BCL2L14: variants seen among roughly 807,000 people sequenced by gnomAD.
The protein encoded by BCL2L14 is apoptosis facilitator Bcl-2-like protein 14.
In BCL2L14, 27 loss-of-function variants were observed where a neutral mutation model predicts 35.3. That is an observed-to-expected ratio of 0.76 (90% CI 0.56 to 1.05). The LOEUF is 1.05. BCL2L14 is among the 50% of genes least tolerant of loss of function. BCL2L14 has a pLI of 0.00. For missense variants in BCL2L14, 377 were observed against 382.6 expected, an observed-to-expected ratio of 0.99 and a Z score of 0.12; for synonymous variants, 139 against 145.9, an observed-to-expected ratio of 0.95 and a Z score of 0.34.
intron 4 of BCL2L14, among the ~76,000 whole-genome samples, chr12:12,092,657 C>G (rs1618847): frequency 0.34 from 51,738 of 152,102 alleles, 8,923 homozygotes; most frequent in East Asian, 0.51. Context: ...GCACAGTCCC[C>G]ACTTGGCTGC....
chr12:12,086,584 C>G (rs572894262), intron 2 of BCL2L14, among the ~76,000 whole-genome samples: 1 of 152,208 alleles, frequency 6.6e-6, no homozygotes, highest in African/African-American at 2.4e-5. Context: ...TCTTGAAGGC[C>G]GTAAGTTGTG....
At chr12:12,050,691 T>C (rs1292194060) in intron 1 of BCL2L14, among the ~76,000 whole-genome samples, 1 of 150,336 alleles carries the variant, frequency 6.7e-6, no homozygotes, top group Non-Finnish European at 1.5e-5. Context: ...TCTAAGAGCC[T>C]ATTTACAGGG....
At chr12:12,070,327 C>A (rs974787049), upstream of BCL2L14, among the ~76,000 whole-genome samples, 7 of 152,210 alleles carry the variant, frequency 4.6e-5, no homozygotes, top group Non-Finnish European at 1.0e-4. Flanking sequence ...CTTCACCTCT[C>A]TGAGCCTCAG....
At chr12:12,050,793 T>TA (rs3052084) in intron 1 of BCL2L14, among the ~76,000 whole-genome samples, 9,288 of 88,064 alleles carry the variant, frequency 0.11, 427 homozygotes, top group Middle Eastern at 0.14. Flanking sequence ...GCTGATGAGC[T>TA]AAAAAAAAAA....
chr12:12,067,000 G>T (rs528609668), upstream of BCL2L14, among the ~76,000 whole-genome samples: 7 of 151,990 alleles, frequency 4.6e-5, no homozygotes, highest in African/African-American at 1.5e-4. Context: ...ATGAGCCACC[G>T]CACCTGGTGA....
chr12:12,069,673 A>T (rs1235778268), upstream of BCL2L14, among the ~76,000 whole-genome samples: 1 of 147,940 alleles, frequency 6.8e-6, no homozygotes, highest in Non-Finnish European at 1.5e-5. Flanking sequence ...GCACCACTGC[A>T]CTCCAGCCTG....
chr12:12,066,293 C>A (rs1220008761), upstream of BCL2L14, among the ~76,000 whole-genome samples: 1 of 152,126 alleles, frequency 6.6e-6, no homozygotes, highest in Non-Finnish European at 1.5e-5. Context: ...CAACTCTGAT[C>A]CTATTTCATT....
At chr12:12,091,789 G>T (rs914980300) in intron 4 of BCL2L14, among the ~76,000 whole-genome samples, 1 of 152,186 alleles carries the variant, frequency 6.6e-6, no homozygotes, top group African/African-American at 2.4e-5. Flanking sequence ...CAAGTAGAGG[G>T]TGGAGAGGGG....
rs1289506465 is a variant in BCL2L14 at position 12,085,572 on chromosome 12, G to A, written c.434-1641G>A. The stretch of plus-strand genomic sequence containing the variant: ...TCTCTCCGTCATTCGCTTCTTATTG[G>A]TTTTTGAACCCTGTGGACTAACCAT... On this transcript the variant is annotated intron_variant, in intron 2 of 5. Transcript: ENST00000308721. Among the ~76,000 whole-genome samples the A allele has an allele frequency of 2.0e-5, 3 of 152,168 alleles. No individual in the cohort carries two copies. The East Asian group carries it at 5.8e-4, about 29-fold the overall frequency.
intron 1 of BCL2L14, among the ~76,000 whole-genome samples, chr12:12,074,821 A>AAAAT (rs2136736565): frequency 6.6e-6 from 1 of 152,268 alleles, no homozygotes; most frequent in African/African-American, 2.4e-5. Context: ...TAAATTTTAA[A>AAAAT]AAATAGGGAT....
At chr12:12,079,823 A>G (rs1447214530) in intron 2 of BCL2L14, 85 bp downstream of exon 2, 2 of 1,404,862 alleles carry the variant, frequency 1.4e-6, no homozygotes, top group African/African-American at 2.9e-5. Flanking sequence ...CTCATGTTGT[A>G]AAGTGGCTTT....
chr12:12,053,695 G>A (rs1476382588), intron 2 of BCL2L14, among the ~76,000 whole-genome samples: 6 of 152,272 alleles, frequency 3.9e-5, no homozygotes, highest in African/African-American at 4.8e-5. Context: ...GATTACAGGC[G>A]TGAGCCACCA....
At chr12:12,056,911 G>A (rs1176624052) in intron 2 of BCL2L14, among the ~76,000 whole-genome samples, 2 of 152,286 alleles carry the variant, frequency 1.3e-5, no homozygotes, top group Non-Finnish European at 1.5e-5. Flanking sequence ...AATTAAGCAT[G>A]CAATCAAAGA....
rs114757641 is a variant in BCL2L14, at chr12:12,059,579, G to C, written c.-272+7732G>C. ...GCCCCAACCTCCTATCTCTGTGCCTGACCCCTTCTCTGCTTTTCTGGAGGG... is the reference window on the plus strand; with the variant it reads ...GCCCCAACCTCCTATCTCTGTGCCTCACCCCTTCTCTGCTTTTCTGGAGGG... On this transcript the variant is annotated intron_variant, in intron 2 of 3. Transcript: ENST00000461264. Among the ~76,000 whole-genome samples the C allele has an allele frequency of 9.5e-3, 1,424 of 150,528 alleles. 23 individuals carry two copies. The highest frequency in any genetic ancestry group is 0.033 in the African/African-American group (1,336 of 40,814).
upstream of BCL2L14, among the ~76,000 whole-genome samples, chr12:12,066,992 G>A (rs1948602024): frequency 6.6e-6 from 1 of 152,070 alleles, no homozygotes; most frequent in African/African-American, 2.4e-5. Flanking sequence ...TTACAAGCAT[G>A]AGCCACCGCA....
At chr12:12,065,142 C>T (rs968680063) in intron 2 of BCL2L14, among the ~76,000 whole-genome samples, 1 of 152,158 alleles carries the variant, frequency 6.6e-6, no homozygotes. Flanking sequence ...TTAACACATG[C>T]ATACACACAG....
At chr12:12,084,527 AC>A (rs1311129352) in intron 2 of BCL2L14, among the ~76,000 whole-genome samples, 1 of 151,874 alleles carries the variant, frequency 6.6e-6, no homozygotes, top group Non-Finnish European at 1.5e-5. Context: ...GGACCTTCCG[AC>A]CCTGTTGGCC....
chr12:12,061,905 C>T (rs1948531197), intron 2 of BCL2L14, among the ~76,000 whole-genome samples: 1 of 152,238 alleles, frequency 6.6e-6, no homozygotes, highest in East Asian at 1.9e-4. Flanking sequence ...AAAACAACAA[C>T]TCCTTTCCTT....
chr12:12,079,782 C>G (rs760350667), intron 2 of BCL2L14, 44 bp downstream of exon 2: 1 of 1,578,870 alleles, frequency 6.3e-7, no homozygotes, highest in Non-Finnish European at 8.6e-7. Flanking sequence ...CTGGTTTTTC[C>G]CTTCTTTGTG....
Sources: allele counts gnomAD v4.1 joint callset (sites outside exome capture counted in the v4.1 genomes callset), GRCh38; gene constraint gnomAD v4.1.1; transcripts MANE v1.5; gene names NCBI Gene and HGNC (gene_info 2026-07-23, HGNC 2026-07-21).